Variants in PAK3 observed in about 807,000 individuals in gnomAD.
The protein encoded by PAK3 is serine/threonine-protein kinase PAK 3.
In PAK3, 4 loss-of-function variants were observed where a neutral mutation model predicts 41.0. The ratio of observed to expected loss-of-function variants is 0.10; its 90% confidence interval spans 0.05 to 0.22. The LOEUF (loss-of-function observed/expected upper bound fraction) is 0.22, where lower values mean the gene tolerates loss of function less well. Ranked by LOEUF, PAK3 falls within the 10% of genes least tolerant of loss-of-function variation. PAK3 has a pLI of 1.00. For synonymous variants in PAK3, 146 were observed against 139.6 expected (o/e 1.05, Z -0.32); for missense variants, 205 against 409.9 (o/e 0.50, Z 4.32).
chrX:111,104,546 G>A (rs2093216184), intron 4 of PAK3, among the ~76,000 whole-genome samples: 4 of 111,218 alleles, frequency 3.6e-5, no homozygotes, highest in Non-Finnish European at 1.9e-5. Context: ...CAACTTTCTA[G>A]CGATGTTCTG....
chrX:111,149,749 C>A (rs957124123), intron 7 of PAK3, among the ~76,000 whole-genome samples: 1 of 111,484 alleles, frequency 9.0e-6, no homozygotes, highest in African/African-American at 3.3e-5. Flanking sequence ...GCCCAAAAAA[C>A]CAGTTTTTCC....
chrX:111,138,173 GTA>G (rs2093819020), intron 5 of PAK3, among the ~76,000 whole-genome samples: 1 of 109,544 alleles, frequency 9.1e-6, no homozygotes, highest in East Asian at 2.9e-4. Context: ...GTAACCCTGG[GTA>G]TATGATTTAA....
At chrX:111,129,319 A>T (rs900536628) in intron 5 of PAK3, among the ~76,000 whole-genome samples, 1 of 111,733 alleles carries the variant, frequency 8.9e-6, no homozygotes, top group Non-Finnish European at 1.9e-5. Flanking sequence ...GGGTTCTGTT[A>T]TCAGAAAGCC....
chrX:111,035,131 A>AAAGAAAGAAAG (rs2092383754), intron 1 of PAK3, among the ~76,000 whole-genome samples: 1 of 54,265 alleles, frequency 1.8e-5, no homozygotes, highest in African/African-American at 5.9e-5. Context: ...AAAAAAAAAA[A>AAAGAAAGAAAG]AAAGAAAGAA....
intron 11 of PAK3, among the ~76,000 whole-genome samples, chrX:111,181,417 C>A (rs1165861298): frequency 1.8e-5 from 2 of 111,302 alleles, no homozygotes; most frequent in East Asian, 2.9e-4. Context: ...ATGATATGTT[C>A]AATTCATCAA....
chrX:110,988,050 T>C (rs1185794231), intron 1 of PAK3, among the ~76,000 whole-genome samples: 2 of 112,866 alleles, frequency 1.8e-5, no homozygotes, highest in African/African-American at 6.4e-5. Flanking sequence ...TTGATAATAA[T>C]TCTTTTTGAT....
At chrX:111,013,643 C>T (rs989481652) in intron 1 of PAK3, among the ~76,000 whole-genome samples, 25 of 111,102 alleles carry the variant, frequency 2.3e-4, no homozygotes, top group African/African-American at 8.2e-4. Flanking sequence ...ATAGTACAGG[C>T]GTATAAGAAC....
chrX:111,164,194 G>A lies in PAK3; in HGVS notation c.766+467G>A, dbSNP rs138256640. Among the ~76,000 whole-genome samples the A allele has an allele frequency of 9.8e-3, 1,091 of 110,913 alleles. 11 individuals carry two copies. Among genetic ancestry groups the A allele is most frequent in the African/African-American group, 0.033 (1,015 of 30,540 alleles). ...GGAGAGACAGAACTAGCAAATGCTA[G>A]TAGCTTCCTTCCACAATGTCATTAG... On this transcript the variant is annotated intron_variant, in intron 10 of 17. Transcript: ENST00000372007.
intron 1 of PAK3, among the ~76,000 whole-genome samples, chrX:110,950,211 G>A (rs778551630): frequency 8.9e-6 from 1 of 111,751 alleles, no homozygotes; most frequent in East Asian, 2.8e-4. Context: ...TTCCTTCCTT[G>A]TCTCTCCAAC....
rs140405587 is a variant in PAK3 at position 110,967,712 on chromosome X, T to G, written c.-28+23084T>G. 5.3e-3 allele frequency among the ~76,000 whole-genome samples: 590 copies of G among 112,354 alleles called. 3 individuals carry two copies. The highest frequency in any genetic ancestry group is 8.7e-3 in the Non-Finnish European group (466 of 53,268). On this transcript the variant is annotated intron_variant, in intron 1 of 14. Coordinates refer to the PAK3 transcript ENST00000425146. ...TGTGAGCCACACATTTAAAAACATT[T>G]CACTTTTAAATAATTATAGATTCAC... is the stretch of plus-strand genomic sequence containing the variant.
At chrX:111,193,828 T>C (rs1195286805) in intron 13 of PAK3, among the ~76,000 whole-genome samples, 1 of 111,441 alleles carries the variant, frequency 9.0e-6, no homozygotes, top group African/African-American at 3.3e-5. Context: ...AAATTCAGAA[T>C]TCTAGGCTGC....
intron 4 of PAK3, among the ~76,000 whole-genome samples, chrX:111,113,832 G>T (rs2148954160): frequency 9.0e-6 from 1 of 110,590 alleles, no homozygotes; most frequent in South Asian, 4.0e-4. Flanking sequence ...GTGTCCAAGT[G>T]TTCTCATTGC....
chrX:111,095,894 C>T (rs1030584203), upstream of PAK3, among the ~76,000 whole-genome samples: 26 of 111,356 alleles, frequency 2.3e-4, no homozygotes, highest in Non-Finnish European at 4.2e-4. Context: ...ATGAACTCTC[C>T]CCTCCTCTCC....
At chrX:111,105,788 C>T (rs1030405606) in intron 4 of PAK3, among the ~76,000 whole-genome samples, 20 of 111,438 alleles carry the variant, frequency 1.8e-4, no homozygotes, top group African/African-American at 6.2e-4. Flanking sequence ...CTTGCAGGCA[C>T]ATACACTGAA....
At chrX:110,966,903 G>C (rs182595012) in intron 1 of PAK3, among the ~76,000 whole-genome samples, 29 of 111,917 alleles carry the variant, frequency 2.6e-4, no homozygotes, top group Non-Finnish European at 5.1e-4. Context: ...AGGATATGTC[G>C]GTACTGCCTG....
intron 17 of PAK3, among the ~76,000 whole-genome samples, chrX:111,219,874 G>C (rs186540689): frequency 1.8e-5 from 2 of 110,743 alleles, no homozygotes; most frequent in East Asian, 5.7e-4. Flanking sequence ...ACAGGCTTCT[G>C]AGGCAAAAAA....
intron 5 of PAK3, among the ~76,000 whole-genome samples, chrX:111,141,021 T>C (rs2093863666): frequency 8.9e-6 from 1 of 112,071 alleles, no homozygotes; most frequent in African/African-American, 3.2e-5. Flanking sequence ...CTGAAGTTGA[T>C]TGGTCTTAAC....
At chrX:110,988,735 G>A (rs1339622410) in intron 1 of PAK3, among the ~76,000 whole-genome samples, 1 of 111,959 alleles carries the variant, frequency 8.9e-6, no homozygotes, top group Admixed American at 9.5e-5. Flanking sequence ...AGAGTTGGTG[G>A]TTCTCTAATT....
chrX:111,141,717 C>A (rs1375315341), intron 5 of PAK3, among the ~76,000 whole-genome samples: 6 of 111,867 alleles, frequency 5.4e-5, no homozygotes, highest in Admixed American at 1.9e-4. Flanking sequence ...CTTTTCTATT[C>A]TTTCTAATAG....
Sources: gnomAD v4.1 joint callset for allele counts (sites outside exome capture counted in the v4.1 genomes callset) on GRCh38, gnomAD v4.1.1 for gene constraint, MANE v1.5 for transcripts, NCBI Gene and HGNC (gene_info 2026-07-23, HGNC 2026-07-21) for gene names.